ELP1: variants seen among roughly 807,000 people sequenced by gnomAD.
ELP1 encodes elongator complex protein 1.
A neutral mutation model predicts 183.2 loss-of-function variants in ELP1; 131 were observed. That is an observed-to-expected ratio of 0.72 (90% CI 0.62 to 0.83). The LOEUF is 0.83. Ranked by LOEUF, ELP1 falls within the 40% of genes least tolerant of loss-of-function variation. ELP1 has a pLI of 0.00. For missense variants in ELP1, 1,550 were observed against 1,594.9 expected, an observed-to-expected ratio of 0.97 and a Z score of 0.48; for synonymous variants, 555 against 569.0, an observed-to-expected ratio of 0.98 and a Z score of 0.35.
chr9:108,891,937 A>G (rs2131971238), intron 27 of ELP1, among the ~76,000 whole-genome samples: 1 of 152,288 alleles, frequency 6.6e-6, no homozygotes, highest in Middle Eastern at 3.4e-3. Context: ...AGGTCTGAGG[A>G]GTAACAGGAC....
At position 108,880,145 on chromosome 9, in the gene ELP1, A is replaced by G; in HGVS notation, c.3367T>C (p.Phe1123Leu). Reference sequence around the variant, plus strand: ...AATGTGGCTGTCTGAGAGTCCAGAAATGCCATATAATTTTTCTGGGCTGGA... The same window carrying G: ...AATGTGGCTGTCTGAGAGTCCAGAAGTGCCATATAATTTTTCTGGGCTGGA... ...ILEAQKNYMA[F>L]LDSQTATFSR... is the part of the protein sequence containing the mutation. Residue 1123 changes from phenylalanine to leucine, a missense_variant, in exon 32 of 37, where the codon TTT becomes CTT. By Grantham distance (22) the Phe-to-Leu change is conservative. Transcript: ENST00000374647. 2.5e-6 allele frequency: 4 copies of G among 1,613,510 alleles called. No individual in the cohort carries two copies. The South Asian group carries it at 3.3e-5, about 13-fold the overall frequency.
At chr9:108,877,814 T>C (rs1243095356) in intron 35 of ELP1, among the ~76,000 whole-genome samples, 181 bp downstream of exon 35, 3 of 152,224 alleles carry the variant, frequency 2.0e-5, no homozygotes, top group Admixed American at 6.5e-5. Context: ...TGCCAAGGTA[T>C]ACTAGTCACT....
chr9:108,871,749 T>G (rs904938476), intron 36 of ELP1, among the ~76,000 whole-genome samples: 2 of 152,252 alleles, frequency 1.3e-5, no homozygotes, highest in Non-Finnish European at 2.9e-5. Flanking sequence ...TCTCATACAA[T>G]GACTGTGCTT....
At chr9:108,930,960 C>T in intron 2 of ELP1, 37 bp downstream of exon 2, 4 of 1,607,934 alleles carry the variant, frequency 2.5e-6, no homozygotes, top group Non-Finnish European at 2.6e-6. Context: ...AATCAAGGGT[C>T]ATACCCACAT....
chr9:108,901,724 A>T (rs1828818526), intron 16 of ELP1, 43 bp from the exon 17 acceptor site: 1 of 1,580,174 alleles, frequency 6.3e-7, no homozygotes, highest in Non-Finnish European at 8.7e-7. Flanking sequence ...TTCTATCTCA[A>T]ATCAGTTAAA....
chr9:108,884,532 T>C (rs1828051968), intron 29 of ELP1, among the ~76,000 whole-genome samples: 1 of 152,022 alleles, frequency 6.6e-6, no homozygotes, highest in African/African-American at 2.4e-5. Context: ...ATTAATAAAA[T>C]GTATGTTCTC....
At position 108,922,757 on chromosome 9, in the gene ELP1, C is replaced by T. The variant is rs1587920106; in HGVS notation, c.552+85G>A. On this transcript the variant is annotated intron_variant, in intron 6 of 36. Transcript: ENST00000374647. ...GAAGAGAACTGTTCATTACTGGCATCTAAGTGGACACCAAAGAGTTCCTGG... is the reference window on the plus strand; with the variant it reads ...GAAGAGAACTGTTCATTACTGGCATTTAAGTGGACACCAAAGAGTTCCTGG... 5.2e-6 allele frequency: 5 copies of T among 960,992 alleles called. No homozygotes were observed. In the East Asian group the frequency reaches 1.2e-4, roughly 23 times the overall value. The allele number at this position is 960,992 out of a possible 1,614,324, so 59.5% of individuals were successfully genotyped here. A position where few individuals can be genotyped will look rare whatever the true frequency, so the allele number is the denominator to read the frequency against.
chr9:108,919,567 A>G (rs1455728159), intron 6 of ELP1, among the ~76,000 whole-genome samples: 1 of 151,940 alleles, frequency 6.6e-6, no homozygotes, highest in Non-Finnish European at 1.5e-5. Context: ...TCCTTTCGGC[A>G]TTAAAAAAAA....
chr9:108,882,665 G>C (rs918442266), intron 29 of ELP1, among the ~76,000 whole-genome samples: 62 of 149,044 alleles, frequency 4.2e-4, no homozygotes, highest in African/African-American at 1.5e-3. Flanking sequence ...CATAATCACA[G>C]CTCACGGCAG....
At chr9:108,891,458 A>G in intron 27 of ELP1, 54 bp from the exon 28 acceptor site, 2 of 1,535,464 alleles carry the variant, frequency 1.3e-6, no homozygotes, top group Non-Finnish European at 1.8e-6. Flanking sequence ...TCATTTCTCT[A>G]AAGCTCCAGT....
chr9:108,916,755 G>A (rs1424705637), intron 9 of ELP1, among the ~76,000 whole-genome samples: 4 of 152,080 alleles, frequency 2.6e-5, no homozygotes, highest in East Asian at 1.9e-4. Flanking sequence ...AAAGAGTTGC[G>A]GACCGATGAA....
intron 4 of ELP1, among the ~76,000 whole-genome samples, chr9:108,927,003 C>T (rs542611491): frequency 1.3e-5 from 2 of 152,260 alleles, no homozygotes; most frequent in East Asian, 3.9e-4. Context: ...AGAATGTGTC[C>T]ATACAGCAAC....
At chr9:108,884,933 T>C (rs963371640) in intron 29 of ELP1, among the ~76,000 whole-genome samples, 1 of 151,910 alleles carries the variant, frequency 6.6e-6, no homozygotes, top group Admixed American at 6.6e-5. Flanking sequence ...AATTAAAAAT[T>C]AGCCAGGCAT....
At chr9:108,906,551 G>A (rs1829028810) in intron 13 of ELP1, 66 bp from the exon 14 acceptor site, 1 of 1,360,832 alleles carries the variant, frequency 7.3e-7, no homozygotes, top group Non-Finnish European at 1.0e-6. Flanking sequence ...GACGTTCCTG[G>A]ATGAAGGAAG....
intron 3 of ELP1, 26 bp downstream of exon 3, chr9:108,929,743 C>T: frequency 6.2e-7 from 1 of 1,613,308 alleles, no homozygotes; most frequent in South Asian, 1.1e-5. Flanking sequence ...CTTGAGACTC[C>T]CCCCTCACTG....
chr9:108,911,768 A>C (rs1325619829), intron 11 of ELP1, among the ~76,000 whole-genome samples: 1 of 152,122 alleles, frequency 6.6e-6, no homozygotes, highest in Non-Finnish European at 1.5e-5. Flanking sequence ...CCCTAAAAAA[A>C]CCTTCTACCT....
rs1003970089 is a variant in ELP1 at position 108,899,973 on chromosome 9, C to T, written c.2131-78G>A. The T allele has an allele frequency of 3.5e-6, 4 of 1,132,812 alleles. No individual in the cohort carries two copies. In the African/African-American group the frequency reaches 6.2e-5, roughly 17 times the overall value. The allele number at this position is 1,132,812 out of a possible 1,614,324, so 70.2% of individuals were successfully genotyped here. A position where few individuals can be genotyped will look rare whatever the true frequency, so the allele number is the denominator to read the frequency against. On this transcript the variant is annotated intron_variant, in intron 19 of 36. Transcript: ENST00000374647. ...AGCCAGGATACACCATTTTACCTAACTCTTCACAGAGAATTACCACAACTC... is the reference window on the plus strand; with the variant it reads ...AGCCAGGATACACCATTTTACCTAATTCTTCACAGAGAATTACCACAACTC...
chr9:108,933,230 T>C lies in ELP1; in HGVS notation c.-56+634A>G, dbSNP rs1587930602. On this transcript the variant is annotated intron_variant, in intron 1 of 36. Transcript: ENST00000374647. ...GGGGACAGACCATTTCTACTCTATG[T>C]CCCCAAGCTGAAAAACTGTCTTTGC... Among the ~76,000 whole-genome samples the C allele has an allele frequency of 3.3e-5, 5 of 152,312 alleles. No homozygotes were observed. The South Asian group carries it at 1.0e-3, about 32-fold the overall frequency.
At chr9:108,918,099 T>A (rs1246716385) in intron 8 of ELP1, among the ~76,000 whole-genome samples, 2 of 152,208 alleles carry the variant, frequency 1.3e-5, no homozygotes, top group African/African-American at 4.8e-5. Flanking sequence ...GTTGAAAACA[T>A]CTTAATTGCC....
Sources: allele counts gnomAD v4.1 joint callset (sites outside exome capture counted in the v4.1 genomes callset), GRCh38; gene constraint gnomAD v4.1.1; transcripts MANE v1.5; gene names NCBI Gene and HGNC (gene_info 2026-07-23, HGNC 2026-07-21).